CSMD1: variants seen among roughly 807,000 people sequenced by gnomAD.
CSMD1 encodes the protein CUB and sushi domain-containing protein 1.
A neutral mutation model predicts 417.5 loss-of-function variants in CSMD1; 213 were observed. The ratio of observed to expected loss-of-function variants is 0.51; its 90% confidence interval spans 0.46 to 0.57. The LOEUF is 0.57. Ranked by LOEUF, CSMD1 falls within the 20% of genes least tolerant of loss-of-function variation. The pLI, the probability that CSMD1 is intolerant of heterozygous loss-of-function variation, is 0.00. For synonymous variants in CSMD1, 2,862 were observed against 1,736.8 expected (o/e 1.65, Z -16.11); for missense variants, 6,923 against 4,529.7 (o/e 1.53, Z -15.17).
chr8:2,962,676 G>A (rs192259389), intron 60 of CSMD1, 37 bp from the exon 61 acceptor site: 89 of 1,596,028 alleles, frequency 5.6e-5, no homozygotes, highest in African/African-American at 5.4e-4. Flanking sequence ...AGCCTTCAAC[G>A]TCCCTGGATC....
chr8:3,267,762 C>T (rs919758414), intron 26 of CSMD1, among the ~76,000 whole-genome samples: 4 of 152,162 alleles, frequency 2.6e-5, no homozygotes, highest in Admixed American at 1.3e-4. Context: ...CCTCCCACAG[C>T]AGCTGATGGG....
In CSMD1 at chr8:4,340,737, T is replaced by C. The variant is rs115950383; in HGVS notation, c.415+79216A>G. Among the ~76,000 whole-genome samples the C allele has an allele frequency of 3.0e-3, 459 of 152,148 alleles. 1 individual carries two copies. Among genetic ancestry groups the C allele is most frequent in the African/African-American group, 0.01 (419 of 41,520 alleles). On this transcript the variant is annotated intron_variant, in intron 3 of 69. Coordinates refer to ENST00000635120, the MANE Select transcript of CSMD1 (RefSeq NM_033225.6). ...ATCAGCACGTGGAACAAACTGAAAA[T>C]TTATTTTCAGCAAACTCTGCAAAAC... is the stretch of plus-strand genomic sequence containing the variant.
intron 26 of CSMD1, among the ~76,000 whole-genome samples, chr8:3,234,840 C>A (rs56363038): frequency 0.15 from 23,001 of 152,254 alleles, 1,945 homozygotes; most frequent in East Asian, 0.24. Context: ...CTTCCTGAAC[C>A]AGCATTTTAC....
In CSMD1 at chr8:4,023,777, TTTTTTTTG is replaced by T. The variant is rs1275182222; in HGVS notation, c.610+8120_610+8127del. 5.2e-4 allele frequency among the ~76,000 whole-genome samples: 54 copies of T among 104,198 alleles called. 1 individual carries two copies. The highest frequency in any genetic ancestry group is 3.5e-3 in the East Asian group (8 of 2,256). 68.4% of individuals were successfully genotyped at this position (104,198 alleles called of 152,430 possible). A position where few individuals can be genotyped will look rare whatever the true frequency, so the allele number is the denominator to read the frequency against. ...AATTTTTTTTTTTTTTTTTTTTTTT[TTTTTTTTG>T]TGTGTGTATTTTTAGTAGAGACGGG... On this transcript the variant is annotated intron_variant, in intron 4 of 69. Transcript: ENST00000635120.
chr8:3,447,378 G>GA (rs1272518857), intron 12 of CSMD1, among the ~76,000 whole-genome samples: 9 of 150,602 alleles, frequency 6.0e-5, no homozygotes, highest in East Asian at 3.9e-4. Flanking sequence ...AATAAAAGAA[G>GA]AAAAAAAAAG....
At chr8:3,441,304 T>A (rs1356819598) in intron 12 of CSMD1, among the ~76,000 whole-genome samples, 1 of 152,056 alleles carries the variant, frequency 6.6e-6, no homozygotes, top group East Asian at 1.9e-4. Context: ...ACATTTGTGG[T>A]GGTTAGTTTC....
At chr8:3,080,653 G>C (rs757365882) in intron 49 of CSMD1, among the ~76,000 whole-genome samples, 1 of 152,166 alleles carries the variant, frequency 6.6e-6, no homozygotes, top group Non-Finnish European at 1.5e-5. Context: ...GATGGGTTTG[G>C]AGTGGGTGCC....
intron 5 of CSMD1, among the ~76,000 whole-genome samples, chr8:3,943,818 A>G (rs1811052116): frequency 6.6e-6 from 1 of 152,068 alleles, no homozygotes; most frequent in Non-Finnish European, 1.5e-5. Flanking sequence ...TACTCTCCAA[A>G]AGTGTAAAGG....
intron 1 of CSMD1, among the ~76,000 whole-genome samples, chr8:4,843,241 G>T (rs1800943047): frequency 6.6e-6 from 1 of 152,036 alleles, no homozygotes; most frequent in Non-Finnish European, 1.5e-5. Flanking sequence ...TGATTCTAGG[G>T]GAATACGATG....
chr8:3,605,867 C>A (rs1370424080), intron 8 of CSMD1, among the ~76,000 whole-genome samples: 1 of 152,110 alleles, frequency 6.6e-6, no homozygotes, highest in Non-Finnish European at 1.5e-5. Context: ...ATGAGCAGTG[C>A]TTAACTTAAT....
chr8:4,167,720 T>C (rs192037542), intron 3 of CSMD1, among the ~76,000 whole-genome samples: 1 of 152,232 alleles, frequency 6.6e-6, no homozygotes, highest in African/African-American at 2.4e-5. Flanking sequence ...CTGGGTGCAG[T>C]GGTTCACACC....
chr8:3,566,559 G>A (rs761691875), intron 10 of CSMD1, among the ~76,000 whole-genome samples: 1 of 149,598 alleles, frequency 6.7e-6, no homozygotes, highest in Admixed American at 6.8e-5. Flanking sequence ...AGGATGTGAA[G>A]GTTTATTGAA....
At chr8:3,493,533 G>A (rs1435828571) in intron 11 of CSMD1, 90 bp downstream of exon 11, 31 of 1,115,656 alleles carry the variant, frequency 2.8e-5, no homozygotes, top group South Asian at 1.0e-4. Flanking sequence ...ACCTGAGGCC[G>A]AATTACAAGC....
At chr8:4,849,627 C>G (rs571860446) in intron 1 of CSMD1, among the ~76,000 whole-genome samples, 1 of 152,182 alleles carries the variant, frequency 6.6e-6, no homozygotes, top group African/African-American at 2.4e-5. Context: ...TTTAAAAATG[C>G]TCTAATACAC....
intron 2 of CSMD1, among the ~76,000 whole-genome samples, chr8:4,613,025 T>TA (rs1222722303): frequency 6.6e-6 from 1 of 152,134 alleles, no homozygotes; most frequent in Non-Finnish European, 1.5e-5. Context: ...AAATTCAGTG[T>TA]AAGGGGGCTA....
chr8:3,542,328 G>A (rs903822983), intron 10 of CSMD1, among the ~76,000 whole-genome samples: 4 of 151,848 alleles, frequency 2.6e-5, no homozygotes, highest in Non-Finnish European at 5.9e-5. Flanking sequence ...TCATTCAGAT[G>A]GTTCATTCAG....
intron 7 of CSMD1, among the ~76,000 whole-genome samples, chr8:3,663,036 G>C (rs144889713): frequency 5.9e-5 from 9 of 152,080 alleles, no homozygotes; most frequent in African/African-American, 2.2e-4. Context: ...CATGCCATTT[G>C]TCTGGCAGTG....
chr8:3,856,709 T>C (rs1164635837), intron 5 of CSMD1, among the ~76,000 whole-genome samples: 1 of 152,210 alleles, frequency 6.6e-6, no homozygotes, highest in Admixed American at 6.5e-5. Context: ...AGATAGGGTA[T>C]GCTGTTTCCT....
At chr8:3,071,903 C>A (rs1013610473) in intron 49 of CSMD1, among the ~76,000 whole-genome samples, 3 of 152,212 alleles carry the variant, frequency 2.0e-5, no homozygotes, top group African/African-American at 7.2e-5. Flanking sequence ...ATTGAAACTC[C>A]TGTGCCCCTC....
Sources: gnomAD v4.1 joint callset for allele counts (sites outside exome capture counted in the v4.1 genomes callset) on GRCh38, gnomAD v4.1.1 for gene constraint, MANE v1.5 for transcripts, NCBI Gene and HGNC (gene_info 2026-07-23, HGNC 2026-07-21) for gene names.